TRABD2B: variants seen among roughly 807,000 people sequenced by gnomAD.
TRABD2B encodes metalloprotease TIKI2.
In TRABD2B, 14 loss-of-function variants were observed where a neutral mutation model predicts 40.1. The observed-to-expected ratio is 0.35, with a 90% CI of 0.23 to 0.55. TRABD2B has a LOEUF of 0.55. Among genes scored for constraint, TRABD2B ranks in the 20% least tolerant of loss-of-function variants. The pLI is 0.90. For synonymous variants in TRABD2B, 263 were observed against 277.0 expected, an observed-to-expected ratio of 0.95 and a Z score of 0.50; for missense variants, 541 against 648.6, an observed-to-expected ratio of 0.83 and a Z score of 1.80.
chr1:47,892,343 T>C (rs1644459560), intron 2 of TRABD2B, among the ~76,000 whole-genome samples: 1 of 152,224 alleles, frequency 6.6e-6, no homozygotes, highest in African/African-American at 2.4e-5. Flanking sequence ...TGAAGAAGTC[T>C]GGTAAGAATC....
chr1:47,941,936 G>A (rs549034834), intron 2 of TRABD2B, among the ~76,000 whole-genome samples: 1 of 152,340 alleles, frequency 6.6e-6, no homozygotes, highest in East Asian at 1.9e-4. Context: ...CAATGCCTGG[G>A]CTATTATAAG....
intron 3 of TRABD2B, among the ~76,000 whole-genome samples, chr1:47,798,867 T>A (rs1274691938): frequency 6.6e-6 from 1 of 152,160 alleles, no homozygotes; most frequent in African/African-American, 2.4e-5. Context: ...CAGATCCTCA[T>A]GGGAACTGGA....
chr1:47,986,566 A>T (rs1645921636), intron 2 of TRABD2B, among the ~76,000 whole-genome samples: 1 of 152,216 alleles, frequency 6.6e-6, no homozygotes, highest in African/African-American at 2.4e-5. Context: ...GGGGAAAAAT[A>T]TATGTGGCTG....
chr1:47,805,725 A>G (rs189916065), intron 2 of TRABD2B, among the ~76,000 whole-genome samples: 3 of 152,324 alleles, frequency 2.0e-5, no homozygotes, highest in Admixed American at 2.0e-4. Flanking sequence ...TTTATTGAGC[A>G]CTTACTATGT....
intron 2 of TRABD2B, among the ~76,000 whole-genome samples, chr1:47,804,813 C>A (rs1016255460): frequency 5.9e-5 from 9 of 152,132 alleles, no homozygotes; most frequent in African/African-American, 2.2e-4. Context: ...GCTTTTCAGG[C>A]CTTTTAAAGC....
At chr1:47,796,013 C>G (rs773677752) in intron 3 of TRABD2B, among the ~76,000 whole-genome samples, 1 of 152,158 alleles carries the variant, frequency 6.6e-6, no homozygotes, top group South Asian at 2.1e-4. Flanking sequence ...TGGCCCCCAA[C>G]AGCCGGCACA....
chr1:47,975,054 A>G (rs1450390443), intron 2 of TRABD2B, among the ~76,000 whole-genome samples: 3 of 152,226 alleles, frequency 2.0e-5, no homozygotes, highest in Non-Finnish European at 2.9e-5. Context: ...GATTCTAAGA[A>G]GGGATGATAA....
At chr1:47,880,371 C>T (rs148592617) in intron 2 of TRABD2B, among the ~76,000 whole-genome samples, 51 of 152,304 alleles carry the variant, frequency 3.3e-4, no homozygotes, top group African/African-American at 1.2e-3. Flanking sequence ...AATTGATCAT[C>T]AACCAATCGA....
chr1:47,970,195 T>C (rs1645661557), intron 2 of TRABD2B, among the ~76,000 whole-genome samples: 1 of 152,056 alleles, frequency 6.6e-6, no homozygotes, highest in Non-Finnish European at 1.5e-5. Context: ...ATTCAACAAA[T>C]ATGAATAAAT....
At chr1:47,836,100 T>C (rs1007128332) in intron 2 of TRABD2B, among the ~76,000 whole-genome samples, 1 of 152,252 alleles carries the variant, frequency 6.6e-6, no homozygotes, top group African/African-American at 2.4e-5. Flanking sequence ...GATATTAATA[T>C]GAATTTATAA....
Position 47,934,453 on chromosome 1 carries a change from G to A in TRABD2B, c.666+59581C>T, listed in dbSNP as rs530909715. The stretch of plus-strand genomic sequence containing the variant: ...CACTCACAGACGTCTGGGGGCAGAG[G>A]CTGAGTGTGGTGAGGCAGGAGGCCT... On this transcript the variant is annotated intron_variant, in intron 2 of 6. Transcript: ENST00000606738. Among the ~76,000 whole-genome samples the A allele has an allele frequency of 2.6e-5, 4 of 152,382 alleles. No individual in the cohort carries two copies. In the South Asian group the frequency reaches 8.3e-4, roughly 32 times the overall value.
chr1:47,853,954 C>T lies in TRABD2B; in HGVS notation c.667-52335G>A, dbSNP rs11576408. ...CCCACTGCCTGCAGCAGCAAGCAAGCCTAGCTCCTTAGATGGCTTACAGAG... is the reference window on the plus strand; with the variant it reads ...CCCACTGCCTGCAGCAGCAAGCAAGTCTAGCTCCTTAGATGGCTTACAGAG... On this transcript the variant is annotated intron_variant, in intron 2 of 6. Coordinates refer to ENST00000606738, the MANE Select transcript of TRABD2B (RefSeq NM_001194986.2). 8.8e-3 allele frequency among the ~76,000 whole-genome samples: 1,340 copies of T among 152,320 alleles called. 10 individuals are homozygous for T. The highest frequency in any genetic ancestry group is 0.015 in the Non-Finnish European group (1,006 of 68,028).
At chr1:47,949,976 A>T (rs1358546962) in intron 2 of TRABD2B, among the ~76,000 whole-genome samples, 1 of 152,088 alleles carries the variant, frequency 6.6e-6, no homozygotes, top group Non-Finnish European at 1.5e-5. Context: ...GGAAGTGACA[A>T]ATGGTGTAAA....
chr1:47,773,194 A>G (rs1644399107), intron 6 of TRABD2B, among the ~76,000 whole-genome samples: 4 of 152,206 alleles, frequency 2.6e-5, no homozygotes, highest in African/African-American at 9.7e-5. Context: ...GACCAGCCTA[A>G]TTGGAACTTT....
At chr1:47,811,886 T>C (rs917416671) in intron 2 of TRABD2B, among the ~76,000 whole-genome samples, 1 of 152,220 alleles carries the variant, frequency 6.6e-6, no homozygotes, top group African/African-American at 2.4e-5. Flanking sequence ...GAGCCCAACA[T>C]TTCAGAACAT....
At chr1:47,862,060 A>G (rs546702102) in intron 2 of TRABD2B, among the ~76,000 whole-genome samples, 2 of 152,344 alleles carry the variant, frequency 1.3e-5, no homozygotes, top group Admixed American at 1.3e-4. Flanking sequence ...TCATGATCCA[A>G]GCTCTCAGTA....
chr1:47,764,416 G>T lies in TRABD2B; in HGVS notation c.*1486C>A, dbSNP rs534056173. On this transcript the variant is annotated 3_prime_UTR_variant, in exon 7 of 7. Transcript: ENST00000606738. ...TCCCAGGTGGGAGTTAGCCCACCTGGGTCCTCTGTCTCCTCAACCACCACC... is the reference window on the plus strand; with the variant it reads ...TCCCAGGTGGGAGTTAGCCCACCTGTGTCCTCTGTCTCCTCAACCACCACC... 1.5e-4 allele frequency: 23 copies of T among 152,234 alleles called. No homozygotes were observed. The highest frequency in any genetic ancestry group is 5.3e-4 in the African/African-American group (22 of 41,538). 9.4% of individuals were successfully genotyped at this position (152,234 alleles called of 1,614,324 possible). A position where few individuals can be genotyped will look rare whatever the true frequency, so the allele number is the denominator to read the frequency against.
intron 2 of TRABD2B, among the ~76,000 whole-genome samples, chr1:47,979,608 G>A (rs1432127417): frequency 2.0e-5 from 3 of 152,144 alleles, no homozygotes; most frequent in Non-Finnish European, 4.4e-5. Context: ...TTCTGCTGGG[G>A]CTGGGGCGAA....
chr1:47,902,502 ATTCT>A (rs1297338829), intron 2 of TRABD2B, among the ~76,000 whole-genome samples: 1 of 152,082 alleles, frequency 6.6e-6, no homozygotes, highest in African/African-American at 2.4e-5. Context: ...GTGGATGGAA[ATTCT>A]TTCTTTAAGA....
Sources: allele counts gnomAD v4.1 joint callset (sites outside exome capture counted in the v4.1 genomes callset), GRCh38; gene constraint gnomAD v4.1.1; transcripts MANE v1.5; gene names NCBI Gene and HGNC (gene_info 2026-07-23, HGNC 2026-07-21).